TMEM130: variants seen among roughly 807,000 people sequenced by gnomAD.
TMEM130 encodes the protein transmembrane protein 130.
TMEM130 carries 37 observed loss-of-function variants against 42.9 expected under a neutral mutation model. The observed-to-expected ratio is 0.86, with a 90% CI of 0.66 to 1.13. The LOEUF is 1.13. Among genes scored for constraint, TMEM130 ranks in the 50% most tolerant of loss-of-function variants. The probability of loss-of-function intolerance (pLI) is 0.00; values close to 1 mark genes in which losing one functional copy is unlikely to be tolerated. For missense variants in TMEM130, 545 were observed against 562.6 expected, an observed-to-expected ratio of 0.97 and a Z score of 0.32; for synonymous variants, 259 against 237.7, an observed-to-expected ratio of 1.09 and a Z score of -0.82.
intron 2 of TMEM130, among the ~76,000 whole-genome samples, chr7:98,862,752 G>A (rs1382168036): frequency 6.6e-6 from 1 of 152,024 alleles, no homozygotes; most frequent in East Asian, 1.9e-4. Flanking sequence ...CACCTGCCTC[G>A]GCCTCCCGAA....
chr7:98,852,605 G>A (rs868915277), intron 5 of TMEM130, among the ~76,000 whole-genome samples: 1 of 150,264 alleles, frequency 6.7e-6, no homozygotes, highest in Non-Finnish European at 1.5e-5. Flanking sequence ...TGTTTTTGTG[G>A]GGTTTTTTTG....
intron 6 of TMEM130, among the ~76,000 whole-genome samples, chr7:98,850,273 A>ATATATATATTTTTTTTTTTTTT: frequency 2.3e-4 from 8 of 35,448 alleles, no homozygotes; most frequent in Non-Finnish European, 3.2e-4. Flanking sequence ...ATATATATAT[A>ATATATATATTTTTTTTTTTTTT]TTTTTTTTTT....
At chr7:98,850,273 A>ATATATATATTTTTTTTTTTT in intron 6 of TMEM130, among the ~76,000 whole-genome samples, 7 of 35,440 alleles carry the variant, frequency 2.0e-4, no homozygotes, top group Non-Finnish European at 3.8e-4. Context: ...ATATATATAT[A>ATATATATATTTTTTTTTTTT]TTTTTTTTTT....
intron 1 of TMEM130, among the ~76,000 whole-genome samples, chr7:98,864,710 C>A (rs2116132502): frequency 6.6e-6 from 1 of 152,150 alleles, no homozygotes; most frequent in East Asian, 2.0e-4. Flanking sequence ...ACCAGCCTGG[C>A]CAACATGGTG....
At chr7:98,852,409 C>G (rs1375121933) in intron 5 of TMEM130, among the ~76,000 whole-genome samples, 1 of 152,082 alleles carries the variant, frequency 6.6e-6, no homozygotes, top group African/African-American at 2.4e-5. Context: ...GTATTACAGG[C>G]GTGAGCCACT....
rs1210568483 is a variant in TMEM130, at chr7:98,859,903, TA to T, written c.551+275del. 2.0e-5 allele frequency among the ~76,000 whole-genome samples: 3 copies of T among 150,508 alleles called. No homozygotes were observed. In the East Asian group the frequency reaches 5.9e-4, roughly 29 times the overall value. Reference sequence around the variant, plus strand: ...CCATCTCTACTAAAAAAAATAAAAATAAAAAAAATACAAAAATTAGCCAGGT... The same window carrying T: ...CCATCTCTACTAAAAAAAATAAAAATAAAAAAATACAAAAATTAGCCAGGT... On this transcript the variant is annotated intron_variant, in intron 3 of 7. Transcript: ENST00000339375.
rs371343142 is a variant in TMEM130 at position 98,848,092 on chromosome 7, C to T, written c.1236G>A (p.Pro412=). Residue 412 remains proline, a synonymous_variant, in exon 8 of 8, where the codon CCG becomes CCA. Coordinates refer to ENST00000339375, the MANE Select transcript of TMEM130 (RefSeq NM_152913.3). Reference sequence around the variant, plus strand: ...AAGTTTTGACAGACTTATAGAGGGGCGGGAGCAGCCCGTGGTTCTCACGAA... The same window carrying T: ...AAGTTTTGACAGACTTATAGAGGGGTGGGAGCAGCCCGTGGTTCTCACGAA... The part of the protein sequence containing the change: ...EIVRENHGLL[P]PLYKSVKTYT... The T allele has an allele frequency of 1.6e-5, 26 of 1,613,880 alleles. No homozygotes were observed. The highest frequency in any genetic ancestry group is 9.9e-5 in the South Asian group (9 of 91,048).
chr7:98,861,149 A>C (rs561296546), intron 2 of TMEM130, among the ~76,000 whole-genome samples: 51 of 151,716 alleles, frequency 3.4e-4, no homozygotes, highest in Admixed American at 1.1e-3. Context: ...CCTGACTAAC[A>C]CAGTGAAACC....
At chr7:98,856,266 C>A (rs993116702) in intron 3 of TMEM130, 83 bp from the exon 4 acceptor site, 3 of 1,404,282 alleles carry the variant, frequency 2.1e-6, no homozygotes, top group Non-Finnish European at 3.0e-6. Context: ...ATTCATGGGA[C>A]TTGCCAGAGT....
chr7:98,861,706 T>C (rs541327274), intron 2 of TMEM130, among the ~76,000 whole-genome samples: 2 of 152,270 alleles, frequency 1.3e-5, no homozygotes, highest in East Asian at 3.9e-4. Context: ...AAGGAGACTC[T>C]GACTCAAAAA....
chr7:98,848,805 T>A lies in TMEM130; in HGVS notation c.1007-110A>T, dbSNP rs558624515. ...GAATGGTCAAGCCCCACCAGTGATT[T>A]TTTTTACCCTCATGTACATGCATCC... On this transcript the variant is annotated intron_variant, in intron 6 of 7. Transcript: ENST00000339375. 5,554 of 783,506 alleles carry A rather than the reference T, an allele frequency of 7.1e-3. 49 individuals are homozygous for A. The highest frequency in any genetic ancestry group is 0.012 in the South Asian group (786 of 67,944). 48.5% of individuals were successfully genotyped at this position (783,506 alleles called of 1,614,324 possible). A position where few individuals can be genotyped will look rare whatever the true frequency, so the allele number is the denominator to read the frequency against.
intron 6 of TMEM130, among the ~76,000 whole-genome samples, chr7:98,849,177 G>A (rs1794433024): frequency 6.6e-6 from 1 of 152,172 alleles, no homozygotes; most frequent in Non-Finnish European, 1.5e-5. Flanking sequence ...GGCAACTGCA[G>A]GCTCACCCAA....
intron 1 of TMEM130, among the ~76,000 whole-genome samples, chr7:98,867,440 C>T (rs1794933352): frequency 6.6e-6 from 1 of 152,104 alleles, no homozygotes; most frequent in South Asian, 2.1e-4. Flanking sequence ...TCCCTTATCC[C>T]CCTAACTCCT....
chr7:98,853,365 C>T (rs894245514), intron 5 of TMEM130, among the ~76,000 whole-genome samples: 5 of 152,136 alleles, frequency 3.3e-5, no homozygotes, highest in African/African-American at 4.8e-5. Context: ...CGGTGGCTCA[C>T]GCCTGTAATA....
intron 5 of TMEM130, among the ~76,000 whole-genome samples, chr7:98,853,553 G>A (rs1288113587): frequency 6.6e-6 from 1 of 152,150 alleles, no homozygotes; most frequent in African/African-American, 2.4e-5. Flanking sequence ...GCTTGAACCC[G>A]GGAGGCGGAG....
At chr7:98,858,787 G>A (rs1554399377) in intron 3 of TMEM130, among the ~76,000 whole-genome samples, 4 of 152,110 alleles carry the variant, frequency 2.6e-5, no homozygotes. Flanking sequence ...GGGAGGTCAA[G>A]GCGGCAGTGA....
At chr7:98,852,081 G>T (rs147549638) in intron 5 of TMEM130, among the ~76,000 whole-genome samples, 1 of 151,926 alleles carries the variant, frequency 6.6e-6, no homozygotes, top group Non-Finnish European at 1.5e-5. Flanking sequence ...CGAGTAGCTG[G>T]GGCTACAGGC....
chr7:98,867,246 GCAAA>G (rs1427536284), intron 1 of TMEM130, among the ~76,000 whole-genome samples: 2 of 152,104 alleles, frequency 1.3e-5, no homozygotes, highest in African/African-American at 2.4e-5. Context: ...GCTTTTCCAC[GCAAA>G]CAGAGTGGGT....
chr7:98,847,109 G>C lies in TMEM130; in HGVS notation c.*947C>G, dbSNP rs544953672. Reference sequence around the variant, plus strand: ...CCTGATCTCGTGATCCACCCGCCTCGGCCTCCCAAAGTGCTGGGATTACAG... The same window carrying C: ...CCTGATCTCGTGATCCACCCGCCTCCGCCTCCCAAAGTGCTGGGATTACAG... On this transcript the variant is annotated 3_prime_UTR_variant, in exon 8 of 8. Coordinates refer to ENST00000339375, the MANE Select transcript of TMEM130 (RefSeq NM_152913.3). 1 of 151,996 alleles carries C rather than the reference G, an allele frequency of 6.6e-6. No homozygotes were observed. Among genetic ancestry groups the C allele is most frequent in the African/African-American group, 2.4e-5 (1 of 41,342 alleles). The allele number at this position is 151,996 out of a possible 1,614,324, so 9.4% of individuals were successfully genotyped here. A position where few individuals can be genotyped will look rare whatever the true frequency, so the allele number is the denominator to read the frequency against.
Sources: gnomAD v4.1 joint callset for allele counts (sites outside exome capture counted in the v4.1 genomes callset) on GRCh38, gnomAD v4.1.1 for gene constraint, MANE v1.5 for transcripts, NCBI Gene and HGNC (gene_info 2026-07-23, HGNC 2026-07-21) for gene names.